Variants in CSMD1 observed in about 807,000 individuals in gnomAD.
CSMD1 encodes the protein CUB and sushi domain-containing protein 1.
Under a neutral mutation model 417.5 loss-of-function variants are expected in CSMD1, and 213 were observed. The observed-to-expected ratio is 0.51, with a 90% CI of 0.46 to 0.57. The LOEUF (loss-of-function observed/expected upper bound fraction) is 0.57, where lower values mean the gene tolerates loss of function less well. Ranked by LOEUF, CSMD1 falls within the 20% of genes least tolerant of loss-of-function variation. The pLI is 0.00. For synonymous variants in CSMD1, 2,862 were observed against 1,736.8 expected, an observed-to-expected ratio of 1.65 and a Z score of -16.11; for missense variants, 6,923 against 4,529.7, an observed-to-expected ratio of 1.53 and a Z score of -15.17.
chr8:4,581,965 T>G (rs1208458604), intron 2 of CSMD1, among the ~76,000 whole-genome samples: 1 of 152,160 alleles, frequency 6.6e-6, no homozygotes, highest in Non-Finnish European at 1.5e-5. Context: ...AGGAAGCATT[T>G]GATGGAAGAC....
At chr8:3,334,009 A>T (rs757657503) in intron 23 of CSMD1, among the ~76,000 whole-genome samples, 1 of 152,226 alleles carries the variant, frequency 6.6e-6, no homozygotes, top group African/African-American at 2.4e-5. Context: ...GAAGTAATCA[A>T]TGATGACATG....
At chr8:4,610,876 A>G (rs1396248325) in intron 2 of CSMD1, among the ~76,000 whole-genome samples, 1 of 152,194 alleles carries the variant, frequency 6.6e-6, no homozygotes, top group Non-Finnish European at 1.5e-5. Context: ...TCGTTTTTGA[A>G]TCATTTTAAT....
At chr8:4,427,062 C>A (rs1232199097) in intron 2 of CSMD1, among the ~76,000 whole-genome samples, 1 of 152,030 alleles carries the variant, frequency 6.6e-6, no homozygotes, top group Non-Finnish European at 1.5e-5. Context: ...CCCCAGAGAG[C>A]TTGGGAGATC....
chr8:3,153,301 A>G (rs1301482151), intron 39 of CSMD1, among the ~76,000 whole-genome samples: 2 of 152,222 alleles, frequency 1.3e-5, no homozygotes, highest in South Asian at 4.1e-4. Context: ...TGTTTAGCAT[A>G]TCATCAAGAA....
At chr8:4,683,704 C>G (rs944795837) in intron 1 of CSMD1, among the ~76,000 whole-genome samples, 1 of 152,208 alleles carries the variant, frequency 6.6e-6, no homozygotes, top group Non-Finnish European at 1.5e-5. Context: ...GGGGTCCCAC[C>G]AGGGGTCCTG....
At chr8:3,453,401 G>A (rs1029315017) in intron 12 of CSMD1, among the ~76,000 whole-genome samples, 7 of 152,036 alleles carry the variant, frequency 4.6e-5, no homozygotes, top group Non-Finnish European at 7.4e-5. Context: ...TAATTGTGAT[G>A]TTAGGATGTC....
At chr8:4,259,937 T>G (rs183472366) in intron 3 of CSMD1, among the ~76,000 whole-genome samples, 1 of 152,326 alleles carries the variant, frequency 6.6e-6, no homozygotes, top group African/African-American at 2.4e-5. Flanking sequence ...ATTATATCCA[T>G]TTTGCTAACA....
intron 5 of CSMD1, among the ~76,000 whole-genome samples, chr8:3,945,511 T>G (rs1811165943): frequency 6.6e-6 from 1 of 152,096 alleles, no homozygotes; most frequent in Non-Finnish European, 1.5e-5. Flanking sequence ...TTCCAAAGTT[T>G]ATTGGTAATA....
chr8:3,272,136 G>C (rs1435390835), intron 26 of CSMD1, among the ~76,000 whole-genome samples: 1 of 147,010 alleles, frequency 6.8e-6, no homozygotes, highest in African/African-American at 2.5e-5. Context: ...TCCAGTTTCA[G>C]CTTTCTGCAT....
At chr8:3,762,781 TG>T in intron 5 of CSMD1, among the ~76,000 whole-genome samples, 1 of 152,164 alleles carries the variant, frequency 6.6e-6, no homozygotes. Context: ...AGAGTTAAGC[TG>T]CTGACCCTGA....
chr8:3,402,115 G>C (rs141810099), intron 15 of CSMD1, among the ~76,000 whole-genome samples: 27 of 152,024 alleles, frequency 1.8e-4, no homozygotes, highest in Admixed American at 4.6e-4. Context: ...ATTAATGCTG[G>C]CTTGATGAAA....
chr8:3,585,311 G>T (rs116999307), intron 9 of CSMD1, among the ~76,000 whole-genome samples: 1 of 152,094 alleles, frequency 6.6e-6, no homozygotes, highest in Admixed American at 6.6e-5. Context: ...GTCCATTCAC[G>T]TGAAAAGACT....
intron 10 of CSMD1, among the ~76,000 whole-genome samples, chr8:3,504,615 C>G (rs1796746482): frequency 6.6e-6 from 1 of 152,206 alleles, no homozygotes; most frequent in Admixed American, 6.5e-5. Flanking sequence ...CCAAGAAAAA[C>G]TCATCTGTCT....
intron 12 of CSMD1, among the ~76,000 whole-genome samples, chr8:3,440,210 A>T (rs1370642690): frequency 2.6e-5 from 3 of 116,436 alleles, no homozygotes; most frequent in African/African-American, 1.0e-4. Context: ...AGATTCTTAT[A>T]ACAGGTGCAT....
At chr8:3,335,548 G>A (rs156068) in intron 23 of CSMD1, among the ~76,000 whole-genome samples, 86,177 of 151,740 alleles carry the variant, frequency 0.57, 25,430 homozygotes, top group East Asian at 0.85. Context: ...GTGGTGTTGG[G>A]TACCTGTAAT....
chr8:3,540,118 G>A (rs183213262), intron 10 of CSMD1, among the ~76,000 whole-genome samples: 4 of 152,006 alleles, frequency 2.6e-5, no homozygotes, highest in East Asian at 1.9e-4. Context: ...ACTTGTTTAC[G>A]GTCACAGTTT....
At chr8:4,827,933 T>C in intron 1 of CSMD1, among the ~76,000 whole-genome samples, 1 of 152,194 alleles carries the variant, frequency 6.6e-6, no homozygotes, top group East Asian at 1.9e-4. Flanking sequence ...CCAATATTCA[T>C]TCATGAGTTT....
chr8:3,292,711 T>C (rs1252544604), intron 25 of CSMD1, among the ~76,000 whole-genome samples: 1 of 152,216 alleles, frequency 6.6e-6, no homozygotes, highest in African/African-American at 2.4e-5. Flanking sequence ...ATTTTGAGCC[T>C]ATGTGTGTCT....
At chr8:4,271,112 T>C (rs1379058754) in intron 3 of CSMD1, among the ~76,000 whole-genome samples, 1 of 152,200 alleles carries the variant, frequency 6.6e-6, no homozygotes, top group Admixed American at 6.6e-5. Flanking sequence ...TTTTATTATT[T>C]CCTCATTCTG....
Sources: gnomAD v4.1 joint callset for allele counts (sites outside exome capture counted in the v4.1 genomes callset) on GRCh38, gnomAD v4.1.1 for gene constraint, MANE v1.5 for transcripts, NCBI Gene and HGNC (gene_info 2026-07-23, HGNC 2026-07-21) for gene names.